The following POU6F2 variants were observed in gnomAD, a reference collection of about 807,000 sequenced individuals.
POU6F2 encodes POU domain, class 6, transcription factor 2.
A neutral mutation model predicts 71.3 loss-of-function variants in POU6F2; 31 were observed. That is an observed-to-expected ratio of 0.43 (90% CI 0.33 to 0.59). The LOEUF is 0.59. Among genes scored for constraint, POU6F2 ranks in the 20% least tolerant of loss-of-function variants. POU6F2 has a pLI of 0.04. For missense variants in POU6F2, 783 were observed against 856.8 expected (o/e 0.91, Z 1.07); for synonymous variants, 347 against 355.7 (o/e 0.98, Z 0.27).
chr7:39,034,386 A>AG (rs1434872726), intron 1 of POU6F2: 2 of 305,994 alleles, frequency 6.5e-6, no homozygotes, highest in African/African-American at 2.1e-5. Flanking sequence ...AGTAGGAGAG[A>AG]GGGGGGAGGC....
intron 4 of POU6F2, among the ~76,000 whole-genome samples, chr7:39,251,619 G>C (rs1229817219): frequency 2.0e-5 from 3 of 152,140 alleles, no homozygotes; most frequent in Non-Finnish European, 4.4e-5. Context: ...TTAATGTTAA[G>C]TAGAAAGAAA....
In POU6F2 at chr7:39,095,403, G is replaced by A. The variant is rs529944013; in HGVS notation, c.277+9372G>A. 2.6e-5 allele frequency among the ~76,000 whole-genome samples: 4 copies of A among 152,256 alleles called. No homozygotes were observed. The South Asian group carries it at 6.2e-4, about 24-fold the overall frequency. Reference sequence around the variant, plus strand: ...AGAAAAGTGTTAAAAATTATGCCTCGTGTTCTAAAAGGAATTAATGTCTAC... The same window carrying A: ...AGAAAAGTGTTAAAAATTATGCCTCATGTTCTAAAAGGAATTAATGTCTAC... On this transcript the variant is annotated intron_variant, in intron 2 of 9. Transcript: ENST00000518318.
At chr7:39,389,247 C>T (rs987365121) in intron 5 of POU6F2, among the ~76,000 whole-genome samples, 3 of 151,878 alleles carry the variant, frequency 2.0e-5, no homozygotes, top group East Asian at 1.9e-4. Flanking sequence ...AATGTATTTC[C>T]AAGAACAATA....
intron 4 of POU6F2, among the ~76,000 whole-genome samples, chr7:39,317,408 G>A (rs754950616): frequency 1.3e-5 from 2 of 152,184 alleles, no homozygotes; most frequent in African/African-American, 2.4e-5. Flanking sequence ...CTGGTTGCCT[G>A]GAACATAGTA....
At chr7:39,158,909 C>T (rs541429789) in intron 2 of POU6F2, among the ~76,000 whole-genome samples, 3 of 152,226 alleles carry the variant, frequency 2.0e-5, no homozygotes, top group Admixed American at 6.5e-5. Flanking sequence ...CAGTGGCTAA[C>T]ACCTGTAATC....
intron 4 of POU6F2, among the ~76,000 whole-genome samples, chr7:39,321,629 A>G (rs769591243): frequency 6.6e-6 from 1 of 152,214 alleles, no homozygotes; most frequent in Non-Finnish European, 1.5e-5. Context: ...GAGCATTTGC[A>G]TGTCTGTTTT....
intron 1 of POU6F2, among the ~76,000 whole-genome samples, chr7:39,025,621 T>C (rs996529405): frequency 2.6e-5 from 4 of 151,958 alleles, no homozygotes; most frequent in African/African-American, 7.2e-5. Context: ...AAGACTTAAA[T>C]GTTAGACCTA....
intron 6 of POU6F2, among the ~76,000 whole-genome samples, chr7:39,414,595 G>T (rs1787628772): frequency 6.6e-6 from 1 of 152,160 alleles, no homozygotes. Context: ...GCTGCGGGGC[G>T]GCCCAGCTGC....
chr7:39,166,709 CTGTT>C (rs934870365), intron 2 of POU6F2, among the ~76,000 whole-genome samples: 6 of 152,138 alleles, frequency 3.9e-5, no homozygotes, highest in African/African-American at 1.4e-4. Flanking sequence ...CTTGTTTATC[CTGTT>C]TACCTTAATG....
chr7:39,130,145 TAG>T (rs991926787), intron 2 of POU6F2, among the ~76,000 whole-genome samples: 5 of 75,038 alleles, frequency 6.7e-5, no homozygotes, highest in African/African-American at 2.1e-4. Context: ...AAGAAAGGGG[TAG>T]GTGTGTGTGT....
At chr7:39,328,380 T>C (rs1785563307) in intron 4 of POU6F2, among the ~76,000 whole-genome samples, 1 of 152,232 alleles carries the variant, frequency 6.6e-6, no homozygotes, top group Non-Finnish European at 1.5e-5. Flanking sequence ...TCCTGTGGAA[T>C]AGTCCTAGGG....
chr7:39,100,807 G>A (rs1791554091), intron 2 of POU6F2, among the ~76,000 whole-genome samples: 1 of 152,028 alleles, frequency 6.6e-6, no homozygotes, highest in African/African-American at 2.4e-5. Context: ...TTTGTCATTG[G>A]GTAACCAAAC....
At chr7:39,412,883 C>T (rs976793238) in intron 6 of POU6F2, among the ~76,000 whole-genome samples, 5 of 141,050 alleles carry the variant, frequency 3.5e-5, no homozygotes, top group African/African-American at 1.3e-4. Context: ...TCACTGCAAG[C>T]TCCGCCTCCC....
chr7:39,176,226 A>G (rs563470603), intron 2 of POU6F2, among the ~76,000 whole-genome samples: 1 of 152,274 alleles, frequency 6.6e-6, no homozygotes, highest in South Asian at 2.1e-4. Flanking sequence ...ATCTCTCAGC[A>G]TTTCAAGATT....
chr7:38,980,324 CAG>C (rs1340104158), intron 1 of POU6F2, among the ~76,000 whole-genome samples: 2 of 151,994 alleles, frequency 1.3e-5, no homozygotes, highest in Non-Finnish European at 2.9e-5. Flanking sequence ...GAAATTGAAA[CAG>C]TAAGTATTTA....
rs78004672 is a variant in POU6F2, at chr7:39,221,971, G to A, written c.598+14351G>A. Among the ~76,000 whole-genome samples the A allele has an allele frequency of 6.3e-3, 964 of 152,052 alleles. 59 individuals are homozygous for A. In the East Asian group the frequency reaches 0.14, roughly 23 times the overall value. ...ATATCCTTAATAAATTAACAAATAA[G>A]CTATATTTTTTTCTGGGATTAAAAA... is the stretch of plus-strand genomic sequence containing the variant. On this transcript the variant is annotated intron_variant, in intron 4 of 9. Coordinates refer to ENST00000518318, the MANE Select transcript of POU6F2 (RefSeq NM_001370959.1).
chr7:39,364,320 G>A (rs1786454274), intron 5 of POU6F2, among the ~76,000 whole-genome samples: 1 of 150,288 alleles, frequency 6.7e-6, no homozygotes, highest in Non-Finnish European at 1.5e-5. Context: ...GGTTACATGA[G>A]TAAATTCTTT....
chr7:39,043,622 A>G (rs896838618), intron 1 of POU6F2, among the ~76,000 whole-genome samples: 13 of 151,976 alleles, frequency 8.6e-5, no homozygotes, highest in Admixed American at 7.9e-4. Context: ...TTGCACACCA[A>G]CTGGATTTTA....
intron 2 of POU6F2, among the ~76,000 whole-genome samples, chr7:39,147,627 C>T (rs1228708227): frequency 6.6e-6 from 1 of 152,276 alleles, no homozygotes; most frequent in African/African-American, 2.4e-5. Flanking sequence ...TAAAAACACT[C>T]CAGTGTTTTT....
Sources: allele counts gnomAD v4.1 joint callset (sites outside exome capture counted in the v4.1 genomes callset), GRCh38; gene constraint gnomAD v4.1.1; transcripts MANE v1.5; gene names NCBI Gene and HGNC (gene_info 2026-07-23, HGNC 2026-07-21).